Variants in CDH4 observed in about 807,000 individuals in gnomAD.
The protein encoded by CDH4 is cadherin 4, also known as cadherin-4.
CDH4 carries 33 observed loss-of-function variants against 86.0 expected under a neutral mutation model. The ratio of observed to expected loss-of-function variants is 0.38; its 90% CI spans 0.29 to 0.51. CDH4 has a LOEUF of 0.51. Among genes scored for constraint, CDH4 ranks in the 20% least tolerant of loss-of-function variants. The probability of loss-of-function intolerance (pLI) is 0.86; values close to 1 mark genes in which losing one functional copy is unlikely to be tolerated. For synonymous variants in CDH4, 555 were observed against 549.4 expected (o/e 1.01, Z -0.14); for missense variants, 1,114 against 1,307.4 (o/e 0.85, Z 2.28).
At chr20:61,928,571 C>T (rs113808987) in intron 12 of CDH4, 148 bp downstream of exon 12, 325 of 671,608 alleles carry the variant, frequency 4.8e-4, no homozygotes, top group African/African-American at 4.4e-3. Context: ...ACACTGGCCA[C>T]GCTTCAGCTG....
At chr20:61,353,490 C>T (rs911359696) in intron 2 of CDH4, among the ~76,000 whole-genome samples, 3 of 151,930 alleles carry the variant, frequency 2.0e-5, no homozygotes, top group Non-Finnish European at 2.9e-5. Context: ...TACACTGAGC[C>T]TTGCAGAATA....
In CDH4 at chr20:61,624,815, C is replaced by T. The variant is rs190435409; in HGVS notation, c.170-118748C>T. On this transcript the variant is annotated intron_variant, in intron 2 of 15. Transcript: ENST00000614565. ...CGGGGCATTCTGAGCTCTAGGGAGC[C>T]GACGCTGGCATGGGGGATAGTACAG... 6.6e-5 allele frequency among the ~76,000 whole-genome samples: 10 copies of T among 152,268 alleles called. 1 individual carries two copies. The highest frequency in any genetic ancestry group is 6.5e-4 in the Admixed American group (10 of 15,302).
At position 61,516,789 on chromosome 20, in the gene CDH4, C is replaced by T. The variant is rs747885035; in HGVS notation, c.170-226774C>T. Among the ~76,000 whole-genome samples, 21 of 152,128 alleles carry T rather than the reference C, an allele frequency of 1.4e-4. No homozygotes were observed. Among genetic ancestry groups the T allele is most frequent in the African/African-American group, 3.4e-4 (14 of 41,428 alleles). On this transcript the variant is annotated intron_variant, in intron 2 of 15. Transcript: ENST00000614565. This position sits in a 1 kb window ranked among gnomAD's most constrained non-coding sequence, Gnocchi z 4.0. ...CCCAGGTCAGTGAGTGTCGGTTTGG[C>T]GATCACACTTGCTTTCTTCTTGGGA...
intron 4 of CDH4, among the ~76,000 whole-genome samples, chr20:61,815,482 G>A (rs958309643): frequency 2.6e-5 from 4 of 152,162 alleles, no homozygotes; most frequent in East Asian, 1.9e-4. Flanking sequence ...CCACCACATC[G>A]GCCCAGGGAG....
intron 2 of CDH4, among the ~76,000 whole-genome samples, chr20:61,495,954 G>A (rs1242659425): frequency 1.3e-5 from 2 of 148,846 alleles, no homozygotes; most frequent in Non-Finnish European, 3.0e-5. Context: ...GGGACACACA[G>A]CAGGAGAGAG....
chr20:61,344,934 G>T (rs1388485034), intron 2 of CDH4, among the ~76,000 whole-genome samples: 1 of 152,192 alleles, frequency 6.6e-6, no homozygotes, highest in Non-Finnish European at 1.5e-5. Flanking sequence ...GCCGGCTATT[G>T]ACCCGCAGAC....
intron 2 of CDH4, among the ~76,000 whole-genome samples, chr20:61,713,296 G>A (rs1436921647): frequency 6.6e-6 from 1 of 152,180 alleles, no homozygotes; most frequent in African/African-American, 2.4e-5. Context: ...GAGCTTCAAG[G>A]TGCATGGGGT....
rs1412584145 is a variant in CDH4 at position 61,517,590 on chromosome 20, T to G, written c.170-225973T>G. 6.6e-6 allele frequency among the ~76,000 whole-genome samples: 1 copy of G among 152,120 alleles called. No homozygotes were observed. Among genetic ancestry groups the G allele is most frequent in the Non-Finnish European group, 1.5e-5 (1 of 68,006 alleles). On this transcript the variant is annotated intron_variant, in intron 2 of 15. Coordinates refer to ENST00000614565, the MANE Select transcript of CDH4 (RefSeq NM_001794.5). This position sits in a 1 kb window ranked among gnomAD's most constrained non-coding sequence, Gnocchi z 6.6. ...CAAGCACAATTCCTGCCTTCTTCACTCCTGACCTTGGAACTTGGCGGGTGG... is the reference window on the plus strand; with the variant it reads ...CAAGCACAATTCCTGCCTTCTTCACGCCTGACCTTGGAACTTGGCGGGTGG...
intron 2 of CDH4, among the ~76,000 whole-genome samples, chr20:61,536,939 A>G (rs1427631555): frequency 6.6e-6 from 1 of 152,160 alleles, no homozygotes; most frequent in Admixed American, 6.5e-5. Context: ...CTGCAGGTAC[A>G]CCCTATGCTC....
intron 3 of CDH4, among the ~76,000 whole-genome samples, chr20:61,764,924 C>T (rs1182384247): frequency 6.6e-6 from 1 of 152,218 alleles, no homozygotes; most frequent in South Asian, 2.1e-4. Flanking sequence ...AAATCACCAT[C>T]TTACAGTAGG....
intron 2 of CDH4, among the ~76,000 whole-genome samples, chr20:61,595,885 G>A (rs1053351761): frequency 1.1e-4 from 16 of 152,318 alleles, no homozygotes; most frequent in Non-Finnish European, 1.5e-4. Context: ...AATGATTCCC[G>A]CACGGCTTCC....
At chr20:61,896,945 T>C (rs1343630459) in intron 8 of CDH4, among the ~76,000 whole-genome samples, 1 of 151,858 alleles carries the variant, frequency 6.6e-6, no homozygotes, top group Admixed American at 6.6e-5. Flanking sequence ...GTGACCCAAA[T>C]TGTGTGGAGC....
rs1568781101 is a variant in CDH4 at position 61,283,495 on chromosome 20, CATTTGCACGCGTGTGCTGTGGT to C, written c.169+28559_169+28580del. ...TGTGCTGTGGTGTGTGATGTAGGTG[CATTTGCACGCGTGTGCTGTGGT>C]GTGTGATGTAGGTGCATTTACACGC... On this transcript the variant is annotated intron_variant, in intron 2 of 15. Transcript: ENST00000614565. Among the ~76,000 whole-genome samples the C allele has an allele frequency of 1.3e-4, 9 of 70,644 alleles. 1 individual carries two copies. The highest frequency in any genetic ancestry group is 4.4e-4 in the African/African-American group (9 of 20,532). 46.3% of individuals were successfully genotyped at this position (70,644 alleles called of 152,430 possible).
At chr20:61,520,645 C>T (rs902696441) in intron 2 of CDH4, among the ~76,000 whole-genome samples, 4 of 152,218 alleles carry the variant, frequency 2.6e-5, no homozygotes, top group Non-Finnish European at 5.9e-5. Flanking sequence ...CCTCTTTCAT[C>T]CTCTGAGCAG....
At chr20:61,704,297 C>T (rs1055507384) in intron 2 of CDH4, among the ~76,000 whole-genome samples, 2 of 152,086 alleles carry the variant, frequency 1.3e-5, no homozygotes, top group Non-Finnish European at 2.9e-5. Flanking sequence ...AGCACTGCCT[C>T]CCCACTCTGA....
At chr20:61,852,135 C>G (rs1003416216) in intron 5 of CDH4, among the ~76,000 whole-genome samples, 1 of 151,568 alleles carries the variant, frequency 6.6e-6, no homozygotes. Context: ...ACGGATCCCC[C>G]CACCCCACCA....
In CDH4 at chr20:61,565,332, T is replaced by TGGGGTGATGGTGGTGGCGGTGCTCTC. The variant is rs2086282867; in HGVS notation, c.170-178229_170-178228insGGTGATGGTGGTGGCGGTGCTCTCGG. Among the ~76,000 whole-genome samples, 12 of 66,728 alleles carry TGGGGTGATGGTGGTGGCGGTGCTCTC rather than the reference T, an allele frequency of 1.8e-4. 2 individuals are homozygous for TGGGGTGATGGTGGTGGCGGTGCTCTC. The highest frequency in any genetic ancestry group is 1.3e-3 in the South Asian group (2 of 1,516). 43.8% of individuals were successfully genotyped at this position (66,728 alleles called of 152,430 possible). On this transcript the variant is annotated intron_variant, in intron 2 of 15. Transcript: ENST00000614565. ...TTGGTGGTGGCGGTGCTCTTGGTGATGGTGGTAGTGGTCCTCTTGGTGATG... is the reference window on the plus strand; with the variant it reads ...TTGGTGGTGGCGGTGCTCTTGGTGATGGGGTGATGGTGGTGGCGGTGCTCTCGGTGGTAGTGGTCCTCTTGGTGATG...
At chr20:61,593,306 C>T (rs983278845) in intron 2 of CDH4, among the ~76,000 whole-genome samples, 5 of 152,228 alleles carry the variant, frequency 3.3e-5, no homozygotes, top group Non-Finnish European at 7.3e-5. Context: ...GCTGTGAACA[C>T]TAGTGTGCAT....
At position 61,393,420 on chromosome 20, in the gene CDH4, C is replaced by T. The variant is rs1237932944; in HGVS notation, c.169+138483C>T. Among the ~76,000 whole-genome samples, 1 of 152,144 alleles carries T rather than the reference C, an allele frequency of 6.6e-6. No homozygotes were observed. Among genetic ancestry groups the T allele is most frequent in the Admixed American group, 6.5e-5 (1 of 15,288 alleles). ...ACCAGCCCCTCTGATGTCGAGGACC[C>T]CCAGGGATTGGCAAAATTAAACCTG... On this transcript the variant is annotated intron_variant, in intron 2 of 15. Transcript: ENST00000614565. The surrounding 1 kb of genome is among the most constrained non-coding windows in gnomAD (Gnocchi z 4.3).
Sources: gnomAD v4.1 joint callset for allele counts (sites outside exome capture counted in the v4.1 genomes callset) on GRCh38, gnomAD v4.1.1 for gene constraint, Gnocchi (gnomAD v3.1) non-coding constraint, MANE v1.5 for transcripts, NCBI Gene and HGNC (gene_info 2026-07-23, HGNC 2026-07-21) for gene names.